Variants in UBQLN1 observed in about 807,000 individuals in gnomAD.
UBQLN1 encodes the protein ubiquilin-1.
In UBQLN1, 13 loss-of-function variants were observed where a neutral mutation model predicts 65.4. The observed-to-expected ratio is 0.20, with a 90% CI of 0.13 to 0.32. UBQLN1 has a LOEUF of 0.32. Ranked by LOEUF, UBQLN1 falls within the 10% of genes least tolerant of loss-of-function variation. UBQLN1 has a pLI of 1.00. For synonymous variants in UBQLN1, 267 were observed against 247.8 expected, an observed-to-expected ratio of 1.08 and a Z score of -0.73; for missense variants, 561 against 724.0, an observed-to-expected ratio of 0.77 and a Z score of 2.58.
intron 7 of UBQLN1, chr9:83,668,270 T>C (rs1252929344): frequency 2.0e-6 from 2 of 984,700 alleles, no homozygotes; most frequent in East Asian, 1.1e-4. Context: ...TGAATCAATA[T>C]AGTTTTAGAA....
At chr9:83,691,153 T>TA (rs1832121890) in intron 1 of UBQLN1, among the ~76,000 whole-genome samples, 1 of 148,490 alleles carries the variant, frequency 6.7e-6, no homozygotes, top group Admixed American at 6.8e-5. Flanking sequence ...ATAAAAAAAA[T>TA]AAAAAACAAA....
chr9:83,674,334 TA>T, intron 6 of UBQLN1, among the ~76,000 whole-genome samples: 1 of 152,246 alleles, frequency 6.6e-6, no homozygotes, highest in African/African-American at 2.4e-5. Context: ...GCAATGACAC[TA>T]AAAGAATACA....
At chr9:83,665,348 T>C in intron 8 of UBQLN1, 1 of 420,178 alleles carries the variant, frequency 2.4e-6, no homozygotes, top group Non-Finnish European at 4.2e-6. Flanking sequence ...CTTGACCTCC[T>C]CCTAAGTCCA....
intron 10 of UBQLN1, 118 bp downstream of exon 10, chr9:83,663,757 T>C: frequency 8.8e-7 from 1 of 1,136,116 alleles, no homozygotes; most frequent in Non-Finnish European, 1.2e-6. Flanking sequence ...GTATTTTTCA[T>C]TAATCTAAAC....
chr9:83,679,662 G>A lies in UBQLN1; in HGVS notation c.711+113C>T, dbSNP rs1831907591. The A allele has an allele frequency of 2.6e-6, 3 of 1,167,608 alleles. No homozygotes were observed. In the South Asian group the frequency reaches 5.3e-5, roughly 21 times the overall value. 72.3% of individuals were successfully genotyped at this position (1,167,608 alleles called of 1,614,324 possible). A position where few individuals can be genotyped will look rare whatever the true frequency, so the allele number is the denominator to read the frequency against. ...TTGAGTTTTCTTAAACCAAGATAAGGATTTCTCTCTTTAGCTTAACCATAC... is the reference window on the plus strand; with the variant it reads ...TTGAGTTTTCTTAAACCAAGATAAGAATTTCTCTCTTTAGCTTAACCATAC... On this transcript the variant is annotated intron_variant, in intron 4 of 10. Transcript: ENST00000376395.
intron 6 of UBQLN1, among the ~76,000 whole-genome samples, chr9:83,669,576 A>G (rs1426043534): frequency 6.6e-6 from 1 of 152,236 alleles, no homozygotes; most frequent in African/African-American, 2.4e-5. Flanking sequence ...TGTCTAATGA[A>G]GAGCTAGCTT....
chr9:83,664,079 C>T lies in UBQLN1; in HGVS notation c.1449-36G>A, dbSNP rs1290057646. Reference sequence around the variant, plus strand: ...CACAAATAGGAAATATCCTAAGGTCCTGCAAAACCAGAAGCCAGTCCGTAA... The same window carrying T: ...CACAAATAGGAAATATCCTAAGGTCTTGCAAAACCAGAAGCCAGTCCGTAA... On this transcript the variant is annotated intron_variant, in intron 9 of 10. Transcript: ENST00000376395. 5 of 1,580,116 alleles carry T rather than the reference C, an allele frequency of 3.2e-6. No homozygotes were observed. The South Asian group carries it at 3.5e-5, about 11-fold the overall frequency.
rs1486258741 is a variant in UBQLN1, at chr9:83,679,775, T to C, written c.711A>G (p.Gln237=). ...HMLNNPDIMR[Q]TLELARNPAM... ...CGAACTGAAAGAACTTTCCACATAC[T>C]TGTCTCATTATATCTGGATTATTCA... Residue 237 remains glutamine (Q), a splice_region_variant and synonymous_variant, in exon 4 of 11, where the codon CAA becomes CAG. Transcript: ENST00000376395. 3 of 1,613,032 alleles carry C rather than the reference T, an allele frequency of 1.9e-6. No individual in the cohort carries two copies. In the South Asian group the frequency reaches 3.3e-5, roughly 18 times the overall value.
chr9:83,691,396 AT>A (rs1010187745), intron 1 of UBQLN1, among the ~76,000 whole-genome samples: 1 of 152,178 alleles, frequency 6.6e-6, no homozygotes. Context: ...AACAGCTGTA[AT>A]CTCAAAATCT....
intron 10 of UBQLN1, among the ~76,000 whole-genome samples, chr9:83,663,054 A>G (rs932593544): frequency 6.7e-6 from 1 of 149,376 alleles, no homozygotes; most frequent in South Asian, 2.2e-4. Flanking sequence ...GCACTTTGTC[A>G]AAAGGGAAAG....
At chr9:83,700,186 A>C (rs1832287930) in intron 1 of UBQLN1, among the ~76,000 whole-genome samples, 1 of 152,240 alleles carries the variant, frequency 6.6e-6, no homozygotes, top group Non-Finnish European at 1.5e-5. Context: ...TCAGATGAGA[A>C]TCTCCAGCTA....
Position 83,686,161 on chromosome 9 carries a change from T to G in UBQLN1, c.181-6A>C, listed in dbSNP as rs532294323. The G allele has an allele frequency of 1.8e-5, 28 of 1,525,494 alleles. No homozygotes were observed. In the South Asian group the frequency reaches 3.1e-4, roughly 17 times the overall value. The allele number at this position is 1,525,494 out of a possible 1,614,324, so 94.5% of individuals were successfully genotyped here. The stretch of plus-strand genomic sequence containing the variant: ...TTAGAGATTTCTTCCTTAAACTAAA[T>G]AAAAATAAAATAAGTATGTATTACA... On this transcript the variant is annotated splice_region_variant and splice_polypyrimidine_tract_variant and intron_variant, in intron 1 of 10. Coordinates refer to ENST00000376395, the MANE Select transcript of UBQLN1 (RefSeq NM_013438.5).
intron 7 of UBQLN1, chr9:83,667,947 C>G: frequency 1.0e-6 from 1 of 984,870 alleles, no homozygotes; most frequent in Non-Finnish European, 1.2e-6. Flanking sequence ...TGTGAGTGCT[C>G]AAGTCACTTT....
chr9:83,663,190 A>G (rs957426792), intron 10 of UBQLN1, among the ~76,000 whole-genome samples: 2 of 151,982 alleles, frequency 1.3e-5, no homozygotes, highest in African/African-American at 2.4e-5. Context: ...GGGAAAGGAG[A>G]AAGGGAAAGA....
intron 1 of UBQLN1, among the ~76,000 whole-genome samples, chr9:83,698,211 C>A (rs1034071581): frequency 6.6e-6 from 1 of 152,042 alleles, no homozygotes; most frequent in African/African-American, 2.4e-5. Context: ...AAGAAAGAGC[C>A]AGTGATATTT....
Position 83,669,152 on chromosome 9 carries a change from G to A in UBQLN1, c.1248+33C>T, listed in dbSNP as rs1554726904. Reference sequence around the variant, plus strand: ...AGATTAGGTTATTTTAATTCACACTGCACAGTCTTTTTCAATACAATTACA... The same window carrying A: ...AGATTAGGTTATTTTAATTCACACTACACAGTCTTTTTCAATACAATTACA... On this transcript the variant is annotated intron_variant, in intron 7 of 10. Transcript: ENST00000376395. 5.0e-6 allele frequency: 8 copies of A among 1,593,430 alleles called. No homozygotes were observed. The South Asian group carries it at 9.2e-5, about 18-fold the overall frequency.
intron 10 of UBQLN1, 59 bp from the exon 11 acceptor site, chr9:83,661,998 G>T: frequency 6.6e-7 from 1 of 1,521,254 alleles, no homozygotes; most frequent in South Asian, 1.3e-5. Flanking sequence ...TGCCACACAT[G>T]ACTTTTAAAA....
chr9:83,663,224 C>G (rs1020386567), intron 10 of UBQLN1, among the ~76,000 whole-genome samples: 1 of 151,994 alleles, frequency 6.6e-6, no homozygotes, highest in Non-Finnish European at 1.5e-5. Context: ...GAAAAGAAAA[C>G]AGAAAGCACC....
intron 6 of UBQLN1, among the ~76,000 whole-genome samples, chr9:83,671,975 G>C (rs1564161842): frequency 6.6e-6 from 1 of 152,210 alleles, no homozygotes; most frequent in South Asian, 2.1e-4. Flanking sequence ...ATAACTTGCT[G>C]CAGCTTCTAC....
Sources: gnomAD v4.1 joint callset for allele counts (sites outside exome capture counted in the v4.1 genomes callset) on GRCh38, gnomAD v4.1.1 for gene constraint, MANE v1.5 for transcripts, NCBI Gene and HGNC (gene_info 2026-07-23, HGNC 2026-07-21) for gene names.